Variants in INSC observed in about 807,000 individuals in gnomAD.
INSC encodes protein inscuteable homolog.
A neutral mutation model predicts 58.6 loss-of-function variants in INSC; 67 were observed. That is an observed-to-expected ratio of 1.14 (90% CI 0.94 to 1.40). The LOEUF is 1.40. Ranked by LOEUF, INSC falls within the 40% of genes most tolerant of loss-of-function variation. The pLI is 0.00. For synonymous variants in INSC, 262 were observed against 276.1 expected (o/e 0.95, Z 0.51); for missense variants, 714 against 692.0 (o/e 1.03, Z -0.36).
At position 15,177,182 on chromosome 11, in the gene INSC, T is replaced by C. The variant is rs1314544145; in HGVS notation, c.455+19T>C. ...CAGAGAGGTAAATTTGGACCATAGA[T>C]CTCCCAGGGTCTGCCCACCCGACCT... On this transcript the variant is annotated intron_variant, in intron 4 of 12. Transcript: ENST00000379556. 1.2e-6 allele frequency: 2 copies of C among 1,610,326 alleles called. No individual in the cohort carries two copies. Among genetic ancestry groups the C allele is most frequent in the South Asian group, 1.1e-5 (1 of 91,010 alleles).
intron 1 of INSC, among the ~76,000 whole-genome samples, chr11:15,115,327 CTG>C (rs1228144283): frequency 6.6e-6 from 1 of 152,176 alleles, no homozygotes; most frequent in Non-Finnish European, 1.5e-5. Flanking sequence ...GTGGAAATGC[CTG>C]TGTGTGTGGC....
chr11:15,178,227 A>G, intron 4 of INSC, 97 bp from the exon 5 acceptor site: 2 of 1,513,840 alleles, frequency 1.3e-6, no homozygotes, highest in South Asian at 2.5e-5. Context: ...TTCAGCACAC[A>G]CCAGGCTTGT....
chr11:15,183,192 A>T lies in INSC; in HGVS notation c.579+4745A>T, dbSNP rs59488606. On this transcript the variant is annotated intron_variant, in intron 5 of 12. Coordinates refer to ENST00000379556, the MANE Select transcript of INSC (RefSeq NM_001042536.3). ...AAGAAACCCTGTCTCTACTAAAAAT[A>T]TAAAAAAAATTAGCCAGGCATGGTG... is the stretch of plus-strand genomic sequence containing the variant. 6.1e-3 allele frequency among the ~76,000 whole-genome samples: 930 copies of T among 152,112 alleles called. 11 individuals are homozygous for T. Among genetic ancestry groups the T allele is most frequent in the African/African-American group, 0.02 (834 of 41,490 alleles).
At chr11:15,220,047 T>C (rs534560404) in intron 7 of INSC, among the ~76,000 whole-genome samples, 22 of 152,234 alleles carry the variant, frequency 1.4e-4, no homozygotes, top group Non-Finnish European at 2.6e-4. Context: ...GTTTCCACAT[T>C]TGTCTCCTTT....
the INSC span, among the ~76,000 whole-genome samples, chr11:15,253,857 C>G: frequency 4.6e-5 from 7 of 152,092 alleles, no homozygotes; most frequent in Non-Finnish European, 1.0e-4. Flanking sequence ...CTGATTTTAA[C>G]AGAGATTTGG....
At chr11:15,135,336 A>C (rs1267001709) in intron 1 of INSC, among the ~76,000 whole-genome samples, 2 of 152,216 alleles carry the variant, frequency 1.3e-5, no homozygotes, top group Admixed American at 1.3e-4. Context: ...TGTTTGATCC[A>C]TTCTGTGCCC....
At chr11:15,239,336 C>T (rs12279501) in intron 11 of INSC, among the ~76,000 whole-genome samples, 1,844 of 152,200 alleles carry the variant, frequency 0.012, 48 homozygotes, top group Admixed American at 0.056. Context: ...TAATAAGAAC[C>T]CCATTCTTTC....
chr11:15,149,126 T>G lies in INSC; in HGVS notation c.-45-4T>G. On this transcript the variant is annotated splice_polypyrimidine_tract_variant and splice_region_variant and intron_variant, in intron 1 of 12. Transcript: ENST00000379556. ...CGTTGTGCCATCCTGCCCTCTATTTTCAGGGTCACGACCGCTGCAAGCAGG... is the reference window on the plus strand; with the variant it reads ...CGTTGTGCCATCCTGCCCTCTATTTGCAGGGTCACGACCGCTGCAAGCAGG... The G allele has an allele frequency of 6.3e-7, 1 of 1,599,896 alleles. No homozygotes were observed. Among genetic ancestry groups the G allele is most frequent in the Non-Finnish European group, 8.5e-7 (1 of 1,173,436 alleles).
intron 1 of INSC, among the ~76,000 whole-genome samples, chr11:15,135,872 T>G (rs978672907): frequency 6.6e-6 from 1 of 152,194 alleles, no homozygotes; most frequent in Non-Finnish European, 1.5e-5. Flanking sequence ...AAGACGTCCA[T>G]GGGTTTGGTA....
chr11:15,137,449 G>A (rs1032537814), intron 1 of INSC, among the ~76,000 whole-genome samples: 2 of 152,210 alleles, frequency 1.3e-5, no homozygotes, highest in South Asian at 4.1e-4. Context: ...ATATAAGGCT[G>A]TTTTGTCTCC....
At chr11:15,177,191 G>T (rs1187416671) in intron 4 of INSC, 28 bp downstream of exon 4, 15 of 1,604,680 alleles carry the variant, frequency 9.3e-6, no homozygotes, top group Non-Finnish European at 1.3e-5. Flanking sequence ...ATCTCCCAGG[G>T]TCTGCCCACC....
At chr11:15,133,708 A>G (rs2133709548) in intron 1 of INSC, among the ~76,000 whole-genome samples, 1 of 152,352 alleles carries the variant, frequency 6.6e-6, no homozygotes, top group African/African-American at 2.4e-5. Flanking sequence ...TTCTCAGGAA[A>G]AACAAAACAA....
chr11:15,153,919 T>G (rs978009938), intron 2 of INSC, among the ~76,000 whole-genome samples: 1 of 152,240 alleles, frequency 6.6e-6, no homozygotes, highest in Admixed American at 6.5e-5. Context: ...AAATTAATGC[T>G]GTCACTCAGC....
chr11:15,244,073 C>G (rs919064426), intron 12 of INSC, among the ~76,000 whole-genome samples: 2 of 152,118 alleles, frequency 1.3e-5, no homozygotes, highest in Non-Finnish European at 1.5e-5. Flanking sequence ...CTATTTCGCT[C>G]TGTCTCCTTG....
chr11:15,128,980 G>C (rs1848062915), intron 1 of INSC, among the ~76,000 whole-genome samples: 1 of 152,148 alleles, frequency 6.6e-6, no homozygotes, highest in African/African-American at 2.4e-5. Context: ...CTGCAGAAAG[G>C]GGCTTTTAAA....
At chr11:15,114,313 C>T (rs1847639907), upstream of INSC, among the ~76,000 whole-genome samples, 1 of 151,942 alleles carries the variant, frequency 6.6e-6, no homozygotes, top group African/African-American at 2.4e-5. Flanking sequence ...TCTGCAACAA[C>T]CCCTCGTCAT....
chr11:15,160,349 A>G (rs535487576), intron 2 of INSC, among the ~76,000 whole-genome samples: 1 of 152,284 alleles, frequency 6.6e-6, no homozygotes, highest in East Asian at 1.9e-4. Flanking sequence ...TCACAGTAGC[A>G]GGACTGAAAT....
intron 2 of INSC, among the ~76,000 whole-genome samples, chr11:15,174,019 C>G (rs1206329436): frequency 3.9e-5 from 6 of 152,162 alleles, no homozygotes; most frequent in Non-Finnish European, 7.3e-5. Flanking sequence ...AGAATAAAAG[C>G]CAAATCTCCA....
chr11:15,149,533 G>T (rs1327869699), intron 2 of INSC, among the ~76,000 whole-genome samples: 2 of 152,178 alleles, frequency 1.3e-5, no homozygotes, highest in Non-Finnish European at 2.9e-5. Context: ...GTCATAGAAG[G>T]TGACAACCTA....
Sources: gnomAD v4.1 joint callset for allele counts (sites outside exome capture counted in the v4.1 genomes callset) on GRCh38, gnomAD v4.1.1 for gene constraint, MANE v1.5 for transcripts, NCBI Gene and HGNC (gene_info 2026-07-23, HGNC 2026-07-21) for gene names.